Variants in HCN1 observed in about 807,000 individuals in gnomAD.
HCN1 encodes potassium/sodium hyperpolarization-activated cyclic nucleotide-gated channel 1.
A neutral mutation model predicts 78.9 loss-of-function variants in HCN1; 13 were observed. The ratio of observed to expected loss-of-function variants is 0.16; its 90% CI spans 0.11 to 0.26. The LOEUF is 0.26. Ranked by LOEUF, HCN1 falls within the 10% of genes least tolerant of loss-of-function variation. HCN1 has a pLI of 1.00. For synonymous variants in HCN1, 552 were observed against 455.5 expected (o/e 1.21, Z -2.70); for missense variants, 810 against 1,154.3 (o/e 0.70, Z 4.32).
At position 45,392,250 on chromosome 5, in the gene HCN1, G is replaced by A. The variant is rs375538220; in HGVS notation, c.1230+4242C>T. ...TAGCTTACACAAATTTGAAATATTA[G>A]GTTGATTTAAAAAAATTAAAAATGT... On this transcript the variant is annotated intron_variant, in intron 4 of 7. Transcript: ENST00000303230. 3.1e-4 allele frequency among the ~76,000 whole-genome samples: 47 copies of A among 151,994 alleles called. No individual in the cohort carries two copies. In the South Asian group the frequency reaches 9.6e-3, roughly 31 times the overall value.
chr5:45,492,927 T>C (rs1298054804), intron 2 of HCN1, among the ~76,000 whole-genome samples: 1 of 152,114 alleles, frequency 6.6e-6, no homozygotes, highest in African/African-American at 2.4e-5. Flanking sequence ...AGTCTGTGGA[T>C]TGGTCAAGCT....
At position 45,304,084 on chromosome 5, in the gene HCN1, T is replaced by C. The variant is rs140597780; in HGVS notation, c.1378-245A>G. 1.2e-3 allele frequency among the ~76,000 whole-genome samples: 190 copies of C among 152,300 alleles called. 2 individuals carry two copies. In the East Asian group the frequency reaches 0.015, roughly 12 times the overall value. ...GTATTAAATATTCGATAAATGTTAATTCAATATATGAAAGTCTCAACTTTT... is the reference window on the plus strand; with the variant it reads ...GTATTAAATATTCGATAAATGTTAACTCAATATATGAAAGTCTCAACTTTT... On this transcript the variant is annotated intron_variant, in intron 5 of 7. Transcript: ENST00000303230.
chr5:45,685,166 A>G (rs1739779967), intron 1 of HCN1, among the ~76,000 whole-genome samples: 1 of 152,234 alleles, frequency 6.6e-6, no homozygotes, highest in Non-Finnish European at 1.5e-5. Context: ...ATAAAAAAGA[A>G]AAGGAAAGAT....
At chr5:45,382,297 TA>T (rs940617531) in intron 4 of HCN1, among the ~76,000 whole-genome samples, 27 of 152,284 alleles carry the variant, frequency 1.8e-4, no homozygotes, top group Admixed American at 7.8e-4. Flanking sequence ...TATGTTTTAG[TA>T]TTTACTACCT....
At chr5:45,352,557 C>T (rs778906877) in intron 5 of HCN1, among the ~76,000 whole-genome samples, 1 of 151,554 alleles carries the variant, frequency 6.6e-6, no homozygotes, top group Non-Finnish European at 1.5e-5. Flanking sequence ...ATATGAATAA[C>T]CAAGAGCAAG....
chr5:45,620,962 C>T (rs1473325060), intron 2 of HCN1, among the ~76,000 whole-genome samples: 1 of 152,096 alleles, frequency 6.6e-6, no homozygotes, highest in South Asian at 2.1e-4. Context: ...TTAGACAATA[C>T]ACAGTACATA....
intron 2 of HCN1, among the ~76,000 whole-genome samples, chr5:45,496,864 A>G (rs1217272225): frequency 6.6e-6 from 1 of 152,150 alleles, no homozygotes; most frequent in Non-Finnish European, 1.5e-5. Flanking sequence ...CCCTCTACAC[A>G]CTGCTTTGAA....
At chr5:45,313,361 T>A (rs1745901139) in intron 5 of HCN1, among the ~76,000 whole-genome samples, 1 of 152,066 alleles carries the variant, frequency 6.6e-6, no homozygotes, top group Non-Finnish European at 1.5e-5. Context: ...CAAAACCCCA[T>A]CTGTACGTCA....
chr5:45,601,589 A>C (rs1744626941), intron 2 of HCN1, among the ~76,000 whole-genome samples: 3 of 152,122 alleles, frequency 2.0e-5, no homozygotes, highest in Admixed American at 2.0e-4. Flanking sequence ...AAAGCACATG[A>C]TCTTTTGTAC....
intron 5 of HCN1, among the ~76,000 whole-genome samples, chr5:45,350,355 G>A (rs1241791046): frequency 6.6e-6 from 1 of 152,084 alleles, no homozygotes. Context: ...CAATAAATTA[G>A]GTATTGATGG....
chr5:45,335,634 G>A (rs1746437973), intron 5 of HCN1, among the ~76,000 whole-genome samples: 1 of 152,002 alleles, frequency 6.6e-6, no homozygotes, highest in Admixed American at 6.6e-5. Context: ...TTAAATGTTT[G>A]TCACTCCCTA....
At chr5:45,540,948 T>C (rs1255777133) in intron 2 of HCN1, among the ~76,000 whole-genome samples, 1 of 152,180 alleles carries the variant, frequency 6.6e-6, no homozygotes, top group Non-Finnish European at 1.5e-5. Flanking sequence ...ATGTATTCTA[T>C]TTGTCTTTCT....
intron 4 of HCN1, among the ~76,000 whole-genome samples, chr5:45,380,090 A>T (rs989908403): frequency 6.6e-6 from 1 of 152,048 alleles, no homozygotes; most frequent in African/African-American, 2.4e-5. Flanking sequence ...TAGAAGGGAT[A>T]CTTTATAAAG....
intron 4 of HCN1, among the ~76,000 whole-genome samples, chr5:45,381,891 A>G (rs1166033812): frequency 1.3e-5 from 2 of 152,070 alleles, no homozygotes; most frequent in East Asian, 1.9e-4. Flanking sequence ...TACCTTTCCA[A>G]TGGCTCCCCA....
intron 2 of HCN1, among the ~76,000 whole-genome samples, chr5:45,576,924 A>G (rs1271739763): frequency 1.3e-5 from 2 of 151,990 alleles, no homozygotes; most frequent in African/African-American, 4.8e-5. Context: ...CCCCTTCCCC[A>G]GGAGGTATGC....
At chr5:45,300,803 T>C (rs1745599075) in intron 6 of HCN1, among the ~76,000 whole-genome samples, 1 of 152,082 alleles carries the variant, frequency 6.6e-6, no homozygotes, top group Admixed American at 6.6e-5. Flanking sequence ...CAAACATTAA[T>C]TCTCTGCACT....
At chr5:45,340,848 G>A (rs940608238) in intron 5 of HCN1, among the ~76,000 whole-genome samples, 2 of 152,108 alleles carry the variant, frequency 1.3e-5, no homozygotes, top group African/African-American at 4.8e-5. Context: ...CTCTCAGAGC[G>A]ATATGAATTA....
chr5:45,505,343 A>C (rs915493288), intron 2 of HCN1, among the ~76,000 whole-genome samples: 2 of 152,164 alleles, frequency 1.3e-5, no homozygotes, highest in Non-Finnish European at 2.9e-5. Flanking sequence ...TCCCAGCACC[A>C]TTTATTAAAT....
At chr5:45,292,060 T>C (rs926359743) in intron 6 of HCN1, among the ~76,000 whole-genome samples, 12 of 152,076 alleles carry the variant, frequency 7.9e-5, no homozygotes, top group African/African-American at 2.9e-4. Flanking sequence ...ATTTTCAATA[T>C]CCATTTGTTG....
Sources: gnomAD v4.1 joint callset for allele counts (sites outside exome capture counted in the v4.1 genomes callset) on GRCh38, gnomAD v4.1.1 for gene constraint, MANE v1.5 for transcripts, NCBI Gene and HGNC (gene_info 2026-07-23, HGNC 2026-07-21) for gene names.